The following BTD variants were observed in gnomAD, a reference collection of about 807,000 sequenced individuals.
BTD encodes the protein biocytinase.
A neutral mutation model predicts 17.7 loss-of-function variants in BTD; 13 were observed. That is an observed-to-expected ratio of 0.74 (90% CI 0.48 to 1.17). The LOEUF (loss-of-function observed/expected upper bound fraction) is 1.17, where lower values mean the gene tolerates loss of function less well. Ranked by LOEUF, BTD falls within the 50% of genes most tolerant of loss-of-function variation. The pLI is 0.00. For missense variants in BTD, 674 were observed against 650.4 expected, an observed-to-expected ratio of 1.04 and a Z score of -0.39; for synonymous variants, 240 against 245.2, an observed-to-expected ratio of 0.98 and a Z score of 0.20.
rs1452258560 is a variant in BTD, at chr3:15,648,701, C to T, written c.*3213C>T. On this transcript the variant is annotated 3_prime_UTR_variant, in exon 4 of 4. Transcript: ENST00000643237. The stretch of plus-strand genomic sequence containing the variant: ...AAAGATACGTTGTAGTCCTAACCCC[C>T]AATAGCTCAGAATGTGGCCTTATTT... Among the ~76,000 whole-genome samples the T allele has an allele frequency of 1.3e-5, 2 of 152,210 alleles. No homozygotes were observed. The highest frequency in any genetic ancestry group is 4.8e-5 in the African/African-American group (2 of 41,452).
intron 3 of BTD, among the ~76,000 whole-genome samples, chr3:15,703,598 G>C (rs2070933330): frequency 6.6e-6 from 1 of 152,190 alleles, no homozygotes; most frequent in African/African-American, 2.4e-5. Flanking sequence ...TGATATTCTT[G>C]ACTTCTCAGC....
rs569867647 is a variant in BTD at position 15,722,025 on chromosome 3, G to A, written c.*176G>A. Among the ~76,000 whole-genome samples the A allele has an allele frequency of 3.9e-5, 6 of 152,146 alleles. No homozygotes were observed. The South Asian group carries it at 8.3e-4, about 21-fold the overall frequency. Reference sequence around the variant, plus strand: ...CTCCCAAAGTGCTGCGATTACAGGCGTGAGACCCTGTGCCCAGCCTTGTTT... The same window carrying A: ...CTCCCAAAGTGCTGCGATTACAGGCATGAGACCCTGTGCCCAGCCTTGTTT... On this transcript the variant is annotated 3_prime_UTR_variant, in exon 5 of 5. Transcript: ENST00000672427.
chr3:15,695,580 A>G (rs1013677245), intron 3 of BTD, among the ~76,000 whole-genome samples: 2 of 152,162 alleles, frequency 1.3e-5, no homozygotes, highest in Admixed American at 1.3e-4. Flanking sequence ...AAATAAGAGC[A>G]TCTTTAACCT....
At chr3:15,666,657 C>T (rs1203393393) in intron 3 of BTD, among the ~76,000 whole-genome samples, 1 of 150,410 alleles carries the variant, frequency 6.6e-6, no homozygotes, top group African/African-American at 2.4e-5. Context: ...TAATCTTGTA[C>T]GTGTTTCCAA....
chr3:15,664,205 G>C (rs922700990), intron 3 of BTD, among the ~76,000 whole-genome samples: 1 of 152,222 alleles, frequency 6.6e-6, no homozygotes, highest in Non-Finnish European at 1.5e-5. Flanking sequence ...CTGTCCATTA[G>C]TGATAGAGGG....
Position 15,651,350 on chromosome 3 carries a change from A to T in BTD, c.*5862A>T, listed in dbSNP as rs917036584. 2.0e-5 allele frequency among the ~76,000 whole-genome samples: 3 copies of T among 152,178 alleles called. No homozygotes were observed. Among genetic ancestry groups the T allele is most frequent in the African/African-American group, 7.2e-5 (3 of 41,440 alleles). On this transcript the variant is annotated 3_prime_UTR_variant, in exon 4 of 4. Transcript: ENST00000643237. ...AGCAGGAGGGAGACTGCAAATCTTG[A>T]TTGAGGAGATCTTAAGAACAGAGTG...
At chr3:15,615,751 C>A (rs2064772792) in intron 1 of BTD, among the ~76,000 whole-genome samples, 1 of 152,174 alleles carries the variant, frequency 6.6e-6, no homozygotes, top group Non-Finnish European at 1.5e-5. Context: ...AGTGAACCTG[C>A]ATTGACACAT....
At chr3:15,712,818 T>A (rs1290423786), downstream of BTD, among the ~76,000 whole-genome samples, 1 of 152,200 alleles carries the variant, frequency 6.6e-6, no homozygotes, top group East Asian at 1.9e-4. Flanking sequence ...AGGCCTAAAT[T>A]TCTATCTAGA....
chr3:15,654,829 G>A (rs2065855738), downstream of BTD, among the ~76,000 whole-genome samples: 1 of 152,118 alleles, frequency 6.6e-6, no homozygotes, highest in African/African-American at 2.4e-5. Flanking sequence ...CTGCGTCCCG[G>A]GTTCAAGCAA....
At position 15,652,057 on chromosome 3, in the gene BTD, G is replaced by A. The variant is rs536563875; in HGVS notation, c.*6569G>A. Among the ~76,000 whole-genome samples, 589 of 152,308 alleles carry A rather than the reference G, an allele frequency of 3.9e-3. 3 individuals carry two copies. Among genetic ancestry groups the A allele is most frequent in the Middle Eastern group, 0.01 (3 of 294 alleles). ...ATAAAAGGTACTGCAGACCGGGCACGGTGGCTTACGCCTGTAATCCCAGCA... is the reference window on the plus strand; with the variant it reads ...ATAAAAGGTACTGCAGACCGGGCACAGTGGCTTACGCCTGTAATCCCAGCA... On this transcript the variant is annotated 3_prime_UTR_variant, in exon 4 of 4. Transcript: ENST00000643237.
chr3:15,604,625 T>A (rs1319846060), intron 1 of BTD, among the ~76,000 whole-genome samples: 1 of 152,244 alleles, frequency 6.6e-6, no homozygotes, highest in Admixed American at 6.5e-5. Flanking sequence ...GTTTTTATTT[T>A]CTACTGCATC....
rs1005491401 is a variant in BTD at position 15,651,462 on chromosome 3, C to T, written c.*5974C>T. On this transcript the variant is annotated 3_prime_UTR_variant, in exon 4 of 4. Coordinates refer to ENST00000643237, the MANE Select transcript of BTD (RefSeq NM_001370658.1). Reference sequence around the variant, plus strand: ...CCAGCGACAGCAGGAGCTATGAGCACCCCAGGCCTGAAGGTGTGAAGGGCT... The same window carrying T: ...CCAGCGACAGCAGGAGCTATGAGCATCCCAGGCCTGAAGGTGTGAAGGGCT... 1.1e-4 allele frequency among the ~76,000 whole-genome samples: 17 copies of T among 152,138 alleles called. 1 individual carries two copies. Among genetic ancestry groups the T allele is most frequent in the Admixed American group, 9.2e-4 (14 of 15,272 alleles).
At chr3:15,655,288 T>C (rs2065860653), downstream of BTD, among the ~76,000 whole-genome samples, 1 of 151,948 alleles carries the variant, frequency 6.6e-6, no homozygotes, top group East Asian at 1.9e-4. Flanking sequence ...GGAAAATTAT[T>C]AGGTTGATGG....
chr3:15,698,827 A>G (rs1559359675), intron 3 of BTD, among the ~76,000 whole-genome samples: 1 of 152,222 alleles, frequency 6.6e-6, no homozygotes. Flanking sequence ...GAGGTACTTT[A>G]TAGATTGAAT....
chr3:15,696,351 A>G, intron 3 of BTD: 1 of 668,198 alleles, frequency 1.5e-6, no homozygotes, highest in Non-Finnish European at 2.5e-6. Flanking sequence ...ATACTTGAGT[A>G]ATATAAAAAT....
At chr3:15,619,071 T>TA (rs1164888856) in intron 1 of BTD, among the ~76,000 whole-genome samples, 2 of 152,366 alleles carry the variant, frequency 1.3e-5, no homozygotes, top group African/African-American at 2.4e-5. Context: ...AGCTAGGACT[T>TA]ACGGTATGAT....
chr3:15,601,538 C>T (rs1414091685), upstream of BTD: 1 of 1,605,574 alleles, frequency 6.2e-7, no homozygotes, highest in Non-Finnish European at 8.5e-7. Flanking sequence ...AACGCGAAAT[C>T]GGCAGCACGC....
chr3:15,635,556 G>C lies in BTD; in HGVS notation c.117G>C (p.Val39=). ...ACCATCACGAGGCTGAATATTATGTGGCTGCCGTGTATGAGCATCCATCCA... is the reference window on the plus strand; with the variant it reads ...ACCATCACGAGGCTGAATATTATGTCGCTGCCGTGTATGAGCATCCATCCA... ...VADHHEAEYY[V]AAVYEHPSIL... is the part of the protein sequence containing the mutation. Residue 39 remains valine, a synonymous_variant, in exon 2 of 4, where the codon GTG becomes GTC. Coordinates refer to ENST00000643237, the MANE Select transcript of BTD (RefSeq NM_001370658.1). This position sits in a 1 kb window ranked among gnomAD's most constrained non-coding sequence, Gnocchi z 4.1. 1 of 1,614,212 alleles carries C rather than the reference G, an allele frequency of 6.2e-7. No individual in the cohort carries two copies. Among genetic ancestry groups the C allele is most frequent in the Non-Finnish European group, 8.5e-7 (1 of 1,180,042 alleles).
At chr3:15,695,175 G>A in intron 3 of BTD, 1 of 1,589,476 alleles carries the variant, frequency 6.3e-7, no homozygotes. Context: ...GGAGGGAATT[G>A]ACTAATACTT....
Sources: allele counts gnomAD v4.1 joint callset (sites outside exome capture counted in the v4.1 genomes callset), GRCh38; gene constraint gnomAD v4.1.1; non-coding constraint Gnocchi (gnomAD v3.1); transcripts MANE v1.5; gene names NCBI Gene and HGNC (gene_info 2026-07-23, HGNC 2026-07-21).